The following GAS7 variants were observed in gnomAD, a reference collection of about 807,000 sequenced individuals.
GAS7 encodes growth arrest-specific protein 7.
In GAS7, 28 loss-of-function variants were observed where a neutral mutation model predicts 71.1. The ratio of observed to expected loss-of-function variants is 0.39; its 90% confidence interval spans 0.29 to 0.54. The LOEUF is 0.54. Ranked by LOEUF, GAS7 falls within the 20% of genes least tolerant of loss-of-function variation. The probability of loss-of-function intolerance (pLI) is 0.62; values close to 1 mark genes in which losing one functional copy is unlikely to be tolerated. For missense variants in GAS7, 436 were observed against 627.8 expected, an observed-to-expected ratio of 0.69 and a Z score of 3.27; for synonymous variants, 258 against 245.8, an observed-to-expected ratio of 1.05 and a Z score of -0.46.
chr17:9,925,881 G>A (rs1345351803), intron 10 of GAS7, among the ~76,000 whole-genome samples: 1 of 152,106 alleles, frequency 6.6e-6, no homozygotes, highest in Non-Finnish European at 1.5e-5. Flanking sequence ...ACAAAGACTG[G>A]GGACCTAGGC....
intron 1 of GAS7, among the ~76,000 whole-genome samples, chr17:10,130,830 T>C (rs1164711796): frequency 6.6e-6 from 1 of 152,150 alleles, no homozygotes; most frequent in Non-Finnish European, 1.5e-5. Flanking sequence ...AATAGATAAG[T>C]GGCCGCCTAA....
intron 7 of GAS7, among the ~76,000 whole-genome samples, chr17:9,942,457 C>T (rs180933755): frequency 6.6e-6 from 1 of 152,104 alleles, no homozygotes; most frequent in East Asian, 1.9e-4. Flanking sequence ...GAAGGAACTT[C>T]TCTTTCTCTT....
At chr17:10,051,047 G>A (rs991684819) in intron 1 of GAS7, among the ~76,000 whole-genome samples, 2 of 152,154 alleles carry the variant, frequency 1.3e-5, no homozygotes, top group African/African-American at 2.4e-5. Context: ...CAAGCAGAGA[G>A]GAAGCTCAAA....
At chr17:9,995,082 G>C (rs1006101968) in intron 2 of GAS7, among the ~76,000 whole-genome samples, 9 of 152,306 alleles carry the variant, frequency 5.9e-5, no homozygotes, top group Non-Finnish European at 1.5e-5. Flanking sequence ...GAGCAGCAGG[G>C]GGGCTCACAG....
chr17:10,070,715 C>G (rs571674041), intron 1 of GAS7, among the ~76,000 whole-genome samples: 13 of 151,948 alleles, frequency 8.6e-5, no homozygotes, highest in Admixed American at 1.3e-4. Flanking sequence ...TACCAGGCTA[C>G]TAGCCTGGTC....
At chr17:9,946,272 C>T (rs1163967852) in intron 6 of GAS7, among the ~76,000 whole-genome samples, 1 of 152,156 alleles carries the variant, frequency 6.6e-6, no homozygotes, top group African/African-American at 2.4e-5. Context: ...AAAAATACAT[C>T]TAGCACACAA....
At chr17:10,179,606 T>C (rs2074399256) in intron 1 of GAS7, among the ~76,000 whole-genome samples, 1 of 152,194 alleles carries the variant, frequency 6.6e-6, no homozygotes, top group Non-Finnish European at 1.5e-5. Context: ...GGTTTAAGTT[T>C]GTGGTCCAAA....
intron 1 of GAS7, among the ~76,000 whole-genome samples, chr17:10,060,232 C>T (rs1260237696): frequency 1.3e-5 from 2 of 152,256 alleles, no homozygotes; most frequent in Non-Finnish European, 2.9e-5. Context: ...TGGCCTTCTG[C>T]CACTGCCTGC....
chr17:9,949,344 G>A (rs911100064), intron 5 of GAS7, among the ~76,000 whole-genome samples: 5 of 152,184 alleles, frequency 3.3e-5, no homozygotes, highest in Non-Finnish European at 7.3e-5. Flanking sequence ...TATGCAAAGT[G>A]TCTCCATTTT....
chr17:10,125,123 G>A (rs1400105746), intron 1 of GAS7, among the ~76,000 whole-genome samples: 3 of 150,810 alleles, frequency 2.0e-5, no homozygotes, highest in Non-Finnish European at 4.4e-5. Context: ...TAAGGGGATT[G>A]CAAATTAATA....
chr17:10,059,610 G>A, intron 1 of GAS7: 4 of 762,990 alleles, frequency 5.2e-6, no homozygotes, highest in Non-Finnish European at 6.4e-6. Context: ...CAGGAGTGGC[G>A]GCTGCCTCGC....
intron 1 of GAS7, among the ~76,000 whole-genome samples, chr17:10,144,294 C>T (rs1195301244): frequency 1.3e-5 from 2 of 152,192 alleles, no homozygotes; most frequent in African/African-American, 4.8e-5. Flanking sequence ...TGCCGAAAGA[C>T]GCCCAGGAGG....
chr17:10,173,342 C>A (rs2074349204), intron 1 of GAS7, among the ~76,000 whole-genome samples: 3 of 151,700 alleles, frequency 2.0e-5, no homozygotes. Flanking sequence ...AATTTTAACA[C>A]AACTTTTTTT....
rs751163041 is a variant in GAS7 at position 9,959,311 on chromosome 17, T to TC, written c.472-57dup. On this transcript the variant is annotated intron_variant, in intron 4 of 13. Transcript: ENST00000432992. This position sits in a 1 kb window ranked among gnomAD's most constrained non-coding sequence, Gnocchi z 5.0. ...GCTGTTCTCCATATTGGACATTTTT[T>TC]CCCCCCATTCAGGTTCCCTGAGGGT... 6.2e-7 allele frequency: 1 copy of TC among 1,612,060 alleles called. No individual in the cohort carries two copies. Among genetic ancestry groups the TC allele is most frequent in the Non-Finnish European group, 8.5e-7 (1 of 1,179,048 alleles).
At position 9,926,595 on chromosome 17, in the gene GAS7, C is replaced by G. The variant is rs770795926; in HGVS notation, c.1014+46G>C. 6.2e-7 allele frequency: 1 copy of G among 1,601,142 alleles called. No individual in the cohort carries two copies. Among genetic ancestry groups the G allele is most frequent in the Non-Finnish European group, 8.5e-7 (1 of 1,173,316 alleles). ...GCTTCCCAGTCCCCCTTCTTCCAGG[C>G]AGTCCCCCATGCACCTGCCCTGGCC... On this transcript the variant is annotated intron_variant, in intron 10 of 13. Coordinates refer to ENST00000432992, the MANE Select transcript of GAS7 (RefSeq NM_201433.2). The surrounding 1 kb of genome is among the most constrained non-coding windows in gnomAD (Gnocchi z 5.0).
rs1284114242 is a variant in GAS7, at chr17:9,915,309, T to C, written c.*1919A>G. On this transcript the variant is annotated 3_prime_UTR_variant, in exon 14 of 14. Coordinates refer to ENST00000432992, the MANE Select transcript of GAS7 (RefSeq NM_201433.2). ...ATTGGCTTTGAATGTTTGGAAATCA[T>C]CCACAGAGTAGTTTACTAAGCCACA... 2 of 230,762 alleles carry C rather than the reference T, an allele frequency of 8.7e-6. No homozygotes were observed. The highest frequency in any genetic ancestry group is 4.4e-5 in the African/African-American group (2 of 45,214). The allele number at this position is 230,762 out of a possible 1,614,324, so 14.3% of individuals were successfully genotyped here. A position where few individuals can be genotyped will look rare whatever the true frequency, so the allele number is the denominator to read the frequency against.
In GAS7 at chr17:10,068,407, C is replaced by T. The variant is rs377538584; in HGVS notation, c.184-48510G>A. Among the ~76,000 whole-genome samples, 20 of 152,246 alleles carry T rather than the reference C, an allele frequency of 1.3e-4. No individual in the cohort carries two copies. In the South Asian group the frequency reaches 4.1e-3, roughly 32 times the overall value. ...TGCTGGGAGTTCCCAAAACCACCCTCAGCTCTGATGTTTCCCAGAAGGACT... is the reference window on the plus strand; with the variant it reads ...TGCTGGGAGTTCCCAAAACCACCCTTAGCTCTGATGTTTCCCAGAAGGACT... On this transcript the variant is annotated intron_variant, in intron 1 of 13. Coordinates refer to ENST00000432992, the MANE Select transcript of GAS7 (RefSeq NM_201433.2).
At position 9,915,571 on chromosome 17, in the gene GAS7, AT is replaced by A. The variant is rs1164926499; in HGVS notation, c.*1656del. ...TTTGGTTTACTTTAGTATATTAGGC[AT>A]TTTTCTAATGTGAACTATACGAAAG... On this transcript the variant is annotated 3_prime_UTR_variant, in exon 14 of 14. Transcript: ENST00000432992. 2.7e-5 allele frequency: 6 copies of A among 225,270 alleles called. No individual in the cohort carries two copies. The East Asian group carries it at 3.9e-4, about 14-fold the overall frequency. The allele number at this position is 225,270 out of a possible 1,614,324, so 14.0% of individuals were successfully genotyped here.
intron 1 of GAS7, among the ~76,000 whole-genome samples, chr17:10,084,405 G>C (rs548788417): frequency 6.6e-6 from 1 of 152,156 alleles, no homozygotes; most frequent in African/African-American, 2.4e-5. Flanking sequence ...GAGGCCCCAA[G>C]TGAGATTTGT....
Sources: gnomAD v4.1 joint callset for allele counts (sites outside exome capture counted in the v4.1 genomes callset) on GRCh38, gnomAD v4.1.1 for gene constraint, Gnocchi (gnomAD v3.1) non-coding constraint, MANE v1.5 for transcripts, NCBI Gene and HGNC (gene_info 2026-07-23, HGNC 2026-07-21) for gene names.